NELL1: variants seen among roughly 807,000 people sequenced by gnomAD.
The protein encoded by NELL1 is protein kinase C-binding protein NELL1.
Under a neutral mutation model 107.4 loss-of-function variants are expected in NELL1, and 76 were observed. The ratio of observed to expected loss-of-function variants is 0.71; its 90% CI spans 0.59 to 0.86. NELL1 has a LOEUF of 0.86. NELL1 is among the 40% of genes least tolerant of loss of function. The pLI is 0.00. For synonymous variants in NELL1, 353 were observed against 341.2 expected, an observed-to-expected ratio of 1.03 and a Z score of -0.38; for missense variants, 1,024 against 1,005.5, an observed-to-expected ratio of 1.02 and a Z score of -0.25.
chr11:21,377,307 T>C (rs149781681), intron 15 of NELL1, among the ~76,000 whole-genome samples: 35 of 152,268 alleles, frequency 2.3e-4, no homozygotes, highest in African/African-American at 8.4e-4. Flanking sequence ...GATAATCATA[T>C]GGTTTTCATT....
chr11:20,817,168 A>G (rs1857640860), intron 3 of NELL1, among the ~76,000 whole-genome samples: 1 of 152,134 alleles, frequency 6.6e-6, no homozygotes, highest in Non-Finnish European at 1.5e-5. Context: ...TGAGTTAGGG[A>G]GGAGTCCTTC....
chr11:21,274,891 T>C (rs1043679651), intron 14 of NELL1, among the ~76,000 whole-genome samples: 4 of 152,070 alleles, frequency 2.6e-5, no homozygotes, highest in African/African-American at 9.7e-5. Context: ...CTGGGACACA[T>C]TCAAAGCAGT....
At chr11:21,120,712 T>A (rs1174923488) in intron 13 of NELL1, among the ~76,000 whole-genome samples, 3 of 152,180 alleles carry the variant, frequency 2.0e-5, no homozygotes, top group Non-Finnish European at 4.4e-5. Context: ...GCAAAGCTAC[T>A]TTTTGCTTGT....
chr11:21,383,876 G>T (rs547546030), intron 15 of NELL1: 1 of 151,790 alleles, frequency 6.6e-6, no homozygotes, highest in South Asian at 2.1e-4. Context: ...GATCAGACAA[G>T]ATCGGGCATG....
intron 15 of NELL1, among the ~76,000 whole-genome samples, chr11:21,490,844 C>A (rs940137404): frequency 2.0e-5 from 3 of 151,850 alleles, no homozygotes; most frequent in Non-Finnish European, 2.9e-5. Context: ...AACTATAAAA[C>A]TGCTATAAAA....
intron 16 of NELL1, among the ~76,000 whole-genome samples, chr11:21,535,240 A>G (rs1211013862): frequency 3.3e-5 from 5 of 152,152 alleles, no homozygotes; most frequent in Non-Finnish European, 7.4e-5. Flanking sequence ...GATCAAAAAC[A>G]TAACTGTTTC....
intron 15 of NELL1, among the ~76,000 whole-genome samples, chr11:21,470,068 G>C (rs904772736): frequency 4.0e-5 from 6 of 151,884 alleles, no homozygotes; most frequent in African/African-American, 1.5e-4. Flanking sequence ...TCTATGCCAG[G>C]TACTTATATA....
At chr11:20,889,243 G>T (rs1021037847) in intron 5 of NELL1, among the ~76,000 whole-genome samples, 1 of 152,190 alleles carries the variant, frequency 6.6e-6, no homozygotes. Context: ...AAAATAGCCA[G>T]TGACAAAACA....
intron 12 of NELL1, among the ~76,000 whole-genome samples, chr11:21,005,835 G>T (rs2134279703): frequency 6.6e-6 from 1 of 152,212 alleles, no homozygotes; most frequent in Admixed American, 6.5e-5. Flanking sequence ...CTTATTCTTG[G>T]TTAATGCCTT....
chr11:20,685,029 T>A (rs1017253248), intron 2 of NELL1, among the ~76,000 whole-genome samples: 1 of 152,046 alleles, frequency 6.6e-6, no homozygotes, highest in African/African-American at 2.4e-5. Context: ...TTTGGGTAGA[T>A]CTGTGTTTCC....
At position 20,877,029 on chromosome 11, in the gene NELL1, C is replaced by G. The variant is rs7118461; in HGVS notation, c.507-8415C>G. The stretch of plus-strand genomic sequence containing the variant: ...AAGAGGGGAAAGGGTCTGTTATGTC[C>G]CCTTAGCATAAGGCCAAAAGAGGGG... On this transcript the variant is annotated intron_variant, in intron 4 of 19. Transcript: ENST00000357134. 8.6e-3 allele frequency among the ~76,000 whole-genome samples: 1,302 copies of G among 152,216 alleles called. 17 individuals carry two copies. The highest frequency in any genetic ancestry group is 0.03 in the African/African-American group (1,247 of 41,526).
chr11:21,573,182 C>T lies in NELL1; in HGVS notation c.2158-3C>T, dbSNP rs1857143923. 4.3e-6 allele frequency: 7 copies of T among 1,609,576 alleles called. No homozygotes were observed. The highest frequency in any genetic ancestry group is 4.0e-5 in the African/African-American group (3 of 74,682). The stretch of plus-strand genomic sequence containing the variant: ...TGAGACATTTTTTGCTTTTCCTCTA[C>T]AGGAAGGAGAGGTAGATTGCTGGCC... On this transcript the variant is annotated splice_region_variant and splice_polypyrimidine_tract_variant and intron_variant, in intron 18 of 19. Coordinates refer to ENST00000357134, the MANE Select transcript of NELL1 (RefSeq NM_006157.5).
At chr11:21,350,058 G>A (rs905251226) in intron 14 of NELL1, among the ~76,000 whole-genome samples, 30 of 152,020 alleles carry the variant, frequency 2.0e-4, no homozygotes, top group African/African-American at 6.8e-4. Context: ...ATGCTTGGGA[G>A]GCTTCAAACT....
chr11:21,048,487 C>T (rs963447945), intron 12 of NELL1, among the ~76,000 whole-genome samples: 2 of 152,152 alleles, frequency 1.3e-5, no homozygotes, highest in Admixed American at 6.5e-5. Flanking sequence ...GTTCCTTTTA[C>T]AATCCTCTCT....
intron 12 of NELL1, among the ~76,000 whole-genome samples, chr11:20,984,343 C>T (rs952820911): frequency 2.6e-5 from 4 of 152,100 alleles, no homozygotes; most frequent in Admixed American, 1.3e-4. Flanking sequence ...GATCTGAGTC[C>T]GTATCTTGGC....
intron 7 of NELL1, among the ~76,000 whole-genome samples, chr11:20,923,547 G>C (rs1850426485): frequency 6.6e-6 from 1 of 152,120 alleles, no homozygotes; most frequent in African/African-American, 2.4e-5. Flanking sequence ...CTCTCAGGTG[G>C]TTTTGACATT....
At chr11:21,490,305 A>G (rs1324018893) in intron 15 of NELL1, among the ~76,000 whole-genome samples, 1 of 152,086 alleles carries the variant, frequency 6.6e-6, no homozygotes, top group Non-Finnish European at 1.5e-5. Flanking sequence ...AAACAAATTG[A>G]AAGACATTAC....
chr11:21,370,517 C>T (rs1024201859), intron 14 of NELL1, among the ~76,000 whole-genome samples: 6 of 152,096 alleles, frequency 3.9e-5, no homozygotes, highest in African/African-American at 1.2e-4. Context: ...TTACCTTCAT[C>T]CTGACCCTAC....
chr11:21,405,345 C>T (rs921611845), intron 15 of NELL1, among the ~76,000 whole-genome samples: 1 of 151,832 alleles, frequency 6.6e-6, no homozygotes, highest in Non-Finnish European at 1.5e-5. Context: ...GGCTTTGGTT[C>T]ATCTGTTTTG....
Sources: gnomAD v4.1 joint callset for allele counts (sites outside exome capture counted in the v4.1 genomes callset) on GRCh38, gnomAD v4.1.1 for gene constraint, MANE v1.5 for transcripts, NCBI Gene and HGNC (gene_info 2026-07-23, HGNC 2026-07-21) for gene names.